Variants in CHD7 observed in about 807,000 individuals in gnomAD.
The protein encoded by CHD7 is chromodomain helicase DNA binding protein 7, also known as ATP-dependent chromatin remodeler CHD7.
A neutral mutation model predicts 307.3 loss-of-function variants in CHD7; 24 were observed. That is an observed-to-expected ratio of 0.08 (90% CI 0.06 to 0.11). The LOEUF is 0.11. CHD7 is among the 10% of genes least tolerant of loss of function. The pLI is 1.00. For missense variants in CHD7, 3,106 were observed against 3,727.1 expected (o/e 0.83, Z 4.34); for synonymous variants, 1,363 against 1,349.9 (o/e 1.01, Z -0.21).
chr8:60,702,046 A>G (rs1806790872), intron 1 of CHD7, among the ~76,000 whole-genome samples: 1 of 152,232 alleles, frequency 6.6e-6, no homozygotes, highest in African/African-American at 2.4e-5. Flanking sequence ...ACCTATAATC[A>G]AATACCAGCT....
chr8:60,829,112 T>C (rs979876199), intron 14 of CHD7, among the ~76,000 whole-genome samples: 1 of 152,238 alleles, frequency 6.6e-6, no homozygotes, highest in African/African-American at 2.4e-5. Flanking sequence ...ATGTGTAATT[T>C]TGGGGATGAT....
intron 1 of CHD7, among the ~76,000 whole-genome samples, chr8:60,701,100 C>T (rs1806738506): frequency 6.6e-6 from 1 of 152,232 alleles, no homozygotes; most frequent in Non-Finnish European, 1.5e-5. Context: ...TAGCAACAAT[C>T]TGACCAACTC....
intron 2 of CHD7, among the ~76,000 whole-genome samples, chr8:60,762,038 G>A (rs1274618066): frequency 6.6e-6 from 1 of 152,118 alleles, no homozygotes; most frequent in South Asian, 2.1e-4. Context: ...TGCCATGAGA[G>A]GGGAGTCTCT....
At chr8:60,783,441 CCTCATAGG>C (rs1195529626) in intron 3 of CHD7, among the ~76,000 whole-genome samples, 1 of 152,156 alleles carries the variant, frequency 6.6e-6, no homozygotes, top group Non-Finnish European at 1.5e-5. Flanking sequence ...TCAGTGCAAG[CCTCATAGG>C]CTTGCTGTCC....
intron 1 of CHD7, among the ~76,000 whole-genome samples, chr8:60,693,270 A>G (rs1430853681): frequency 6.6e-6 from 1 of 152,202 alleles, no homozygotes; most frequent in African/African-American, 2.4e-5. Context: ...GGGAGAGTAC[A>G]GCAAAGACCC....
chr8:60,745,234 G>A (rs1809266120), intron 2 of CHD7, among the ~76,000 whole-genome samples: 1 of 152,114 alleles, frequency 6.6e-6, no homozygotes, highest in African/African-American at 2.4e-5. Context: ...ACTAAGCAAG[G>A]GATATTTTAG....
chr8:60,851,371 A>G (rs1805450425), intron 28 of CHD7, 52 bp downstream of exon 28: 2 of 1,346,760 alleles, frequency 1.5e-6, no homozygotes, highest in East Asian at 5.0e-5. Context: ...CTGAGCAGTC[A>G]TTGTTCACGT....
chr8:60,821,754 A>G, intron 9 of CHD7, 36 bp from the exon 10 acceptor site: 1 of 1,544,854 alleles, frequency 6.5e-7, no homozygotes, highest in Non-Finnish European at 8.8e-7. Context: ...ATGTGGTCAA[A>G]TGAATCCAAT....
At chr8:60,727,768 C>CT (rs1245997310) in intron 1 of CHD7, among the ~76,000 whole-genome samples, 4 of 152,212 alleles carry the variant, frequency 2.6e-5, no homozygotes, top group Non-Finnish European at 5.9e-5. Context: ...AGCATTCTCT[C>CT]TTGAGCTCTC....
In CHD7 at chr8:60,865,237, G is replaced by A. The variant is rs747420884; in HGVS notation, c.8298G>A (p.Ser2766=). Residue 2766 remains serine, a synonymous_variant, in exon 38 of 38, where the codon TCG becomes TCA. Coordinates refer to ENST00000423902, the MANE Select transcript of CHD7 (RefSeq NM_017780.4). This position sits in a 1 kb window ranked among gnomAD's most constrained non-coding sequence, Gnocchi z 4.3. ...TSLQNLQNLQ[S]LQLAGLMGFP... ...TTCAGAATCTCCAGAATCTCCAGTC[G>A]CTCCAGCTGGCAGGCCTCATGGGCT... The A allele has an allele frequency of 1.3e-5, 21 of 1,607,256 alleles. No individual in the cohort carries two copies. Among genetic ancestry groups the A allele is most frequent in the Non-Finnish European group, 1.7e-5 (20 of 1,176,960 alleles).
At chr8:60,780,853 C>T in intron 2 of CHD7, 147 bp from the exon 3 acceptor site, 1 of 1,002,432 alleles carries the variant, frequency 1.0e-6, no homozygotes, top group Non-Finnish European at 1.3e-6. Flanking sequence ...ATGAGAGAAG[C>T]TGATAGATTC....
At position 60,765,295 on chromosome 8, in the gene CHD7, TATG is replaced by T. The variant is rs1465964979; in HGVS notation, c.1666-15704_1666-15702del. On this transcript the variant is annotated intron_variant, in intron 2 of 37. Transcript: ENST00000423902. Reference sequence around the variant, plus strand: ...TGCATACACACACACCCCACACACATATGCATGCATGCACGCACGTGTATTTAT... The same window carrying T: ...TGCATACACACACACCCCACACACATCATGCATGCACGCACGTGTATTTAT... Among the ~76,000 whole-genome samples the T allele has an allele frequency of 2.2e-5, 3 of 135,704 alleles. No homozygotes were observed. The East Asian group carries it at 6.9e-4, about 31-fold the overall frequency. The allele number at this position is 135,704 out of a possible 152,430, so 89.0% of individuals were successfully genotyped here. A position where few individuals can be genotyped will look rare whatever the true frequency, so the allele number is the denominator to read the frequency against.
At chr8:60,780,125 C>A (rs1811139093) in intron 2 of CHD7, among the ~76,000 whole-genome samples, 1 of 152,228 alleles carries the variant, frequency 6.6e-6, no homozygotes, top group South Asian at 2.1e-4. Context: ...TCCAGGCAGC[C>A]CTGCTCTGGT....
intron 23 of CHD7, 39 bp downstream of exon 23, chr8:60,845,448 CTTTTTA>C: frequency 1.3e-6 from 2 of 1,587,014 alleles, no homozygotes; most frequent in Non-Finnish European, 1.7e-6. Flanking sequence ...GCTTAATTCC[CTTTTTA>C]TTCTTTAAAA....
Position 60,856,886 on chromosome 8 carries a change from G to T in CHD7, c.7606G>T (p.Ala2536Ser). The T allele has an allele frequency of 6.5e-7, 1 of 1,540,758 alleles. No homozygotes were observed. The highest frequency in any genetic ancestry group is 8.7e-7 in the Non-Finnish European group (1 of 1,146,280). ...FMSHKRTSLS[A>S]EDAEVTKAFE... ...GAGCCACAAACGGACGTCATTGAGT[G>T]CAGTAAGTTGGGGAGCTTGCCTGCA... Residue 2536 changes from alanine to serine, a missense_variant and splice_region_variant, in exon 34 of 38, where the codon GCA (alanine) becomes TCA (serine). Physicochemically the swap from Ala to Ser is moderately conservative, Grantham distance 99. Transcript: ENST00000423902.
intron 32 of CHD7, 60 bp from the exon 33 acceptor site, chr8:60,855,915 A>T: frequency 9.0e-7 from 1 of 1,107,176 alleles, no homozygotes; most frequent in Non-Finnish European, 1.3e-6. Flanking sequence ...GGATGTATTT[A>T]TCTAGTAATT....
chr8:60,774,595 C>A (rs1810864508), intron 2 of CHD7, among the ~76,000 whole-genome samples: 1 of 152,184 alleles, frequency 6.6e-6, no homozygotes, highest in African/African-American at 2.4e-5. Context: ...GCCTGCAGGG[C>A]AGCACCCAAC....
intron 1 of CHD7, among the ~76,000 whole-genome samples, chr8:60,727,375 C>G (rs576509258): frequency 2.0e-5 from 3 of 152,160 alleles, no homozygotes; most frequent in Admixed American, 6.5e-5. Context: ...TGATCCCCCC[C>G]ACCTTGGCCT....
intron 1 of CHD7, among the ~76,000 whole-genome samples, chr8:60,724,100 A>G (rs900337153): frequency 2.6e-5 from 4 of 152,138 alleles, no homozygotes; most frequent in African/African-American, 9.7e-5. Flanking sequence ...AATGATTCAG[A>G]GATTCTAGAG....
Sources: gnomAD v4.1 joint callset for allele counts (sites outside exome capture counted in the v4.1 genomes callset) on GRCh38, gnomAD v4.1.1 for gene constraint, Gnocchi (gnomAD v3.1) non-coding constraint, MANE v1.5 for transcripts, NCBI Gene and HGNC (gene_info 2026-07-23, HGNC 2026-07-21) for gene names.